Variants in TBC1D14 observed in about 807,000 individuals in gnomAD.
TBC1D14 encodes the protein TBC1 domain family, member 14.
A neutral mutation model predicts 79.0 loss-of-function variants in TBC1D14; 26 were observed. That is an observed-to-expected ratio of 0.33 (90% CI 0.24 to 0.46). The LOEUF (loss-of-function observed/expected upper bound fraction) is 0.46. TBC1D14 is among the 20% of genes least tolerant of loss of function. The pLI is 1.00. For synonymous variants in TBC1D14, 394 were observed against 349.9 expected (o/e 1.13, Z -1.40); for missense variants, 769 against 887.6 (o/e 0.87, Z 1.70).
chr4:6,955,904 C>T (rs552570177), intron 2 of TBC1D14, among the ~76,000 whole-genome samples: 1 of 152,066 alleles, frequency 6.6e-6, no homozygotes, highest in African/African-American at 2.4e-5. Context: ...TTTAGGTGGA[C>T]GAGTCTGGGC....
chr4:7,001,075 G>T, intron 6 of TBC1D14, 70 bp from the exon 7 acceptor site: 1 of 1,365,414 alleles, frequency 7.3e-7, no homozygotes, highest in South Asian at 1.2e-5. Flanking sequence ...GTGGTTCGGG[G>T]CTAGGCACGC....
chr4:6,973,725 CAG>C (rs575871811), intron 3 of TBC1D14, among the ~76,000 whole-genome samples: 44 of 152,234 alleles, frequency 2.9e-4, no homozygotes, highest in Non-Finnish European at 5.1e-4. Flanking sequence ...TTAATGTGGA[CAG>C]AGAGCACCAG....
chr4:7,027,661 C>T (rs1192476785), intron 13 of TBC1D14, among the ~76,000 whole-genome samples: 1 of 96,108 alleles, frequency 1.0e-5, no homozygotes, highest in African/African-American at 3.7e-5. Context: ...CCCCCACAAT[C>T]ACCCCACACA....
At chr4:7,005,192 G>C (rs1720057308) in intron 8 of TBC1D14, among the ~76,000 whole-genome samples, 1 of 152,168 alleles carries the variant, frequency 6.6e-6, no homozygotes, top group Non-Finnish European at 1.5e-5. Flanking sequence ...CTGAGGTCAG[G>C]AGTTTGAGAC....
intron 13 of TBC1D14, among the ~76,000 whole-genome samples, chr4:7,030,002 C>A (rs1346068218): frequency 6.6e-6 from 1 of 152,090 alleles, no homozygotes; most frequent in Non-Finnish European, 1.5e-5. Context: ...GGGCACAGGG[C>A]TTATTAGCAT....
At chr4:7,010,582 G>T in intron 10 of TBC1D14, 71 bp from the exon 11 acceptor site, 15 of 1,545,566 alleles carry the variant, frequency 9.7e-6, no homozygotes, top group Non-Finnish European at 1.3e-5. Context: ...GTTTGTCTTT[G>T]CTAAAAATGA....
rs1400453985 is a variant in TBC1D14 at position 7,009,866 on chromosome 4, G to T, written c.1447-11G>T. 8 of 1,614,152 alleles carry T rather than the reference G, an allele frequency of 5.0e-6. No individual in the cohort carries two copies. Among genetic ancestry groups the T allele is most frequent in the Non-Finnish European group, 6.8e-6 (8 of 1,180,020 alleles). ...ATGCATGTGTTGTTTTTGCTGTGTT[G>T]ATCCTTTTAGGGTGGTCCATATCAT... On this transcript the variant is annotated splice_polypyrimidine_tract_variant and intron_variant, in intron 9 of 13. Coordinates refer to ENST00000409757, the MANE Select transcript of TBC1D14 (RefSeq NM_020773.3).
intron 9 of TBC1D14, chr4:7,007,727 G>C: frequency 1.5e-6 from 1 of 670,858 alleles, no homozygotes; most frequent in Non-Finnish European, 2.2e-6. Context: ...GCAGATTTCA[G>C]CTTCTCTGCC....
intron 3 of TBC1D14, among the ~76,000 whole-genome samples, chr4:6,991,384 C>T (rs1169935584): frequency 2.0e-5 from 3 of 152,152 alleles, no homozygotes; most frequent in Non-Finnish European, 4.4e-5. Context: ...CCAGCTTCCC[C>T]ACTTGCCCGC....
intron 3 of TBC1D14, among the ~76,000 whole-genome samples, chr4:6,986,407 C>G (rs1428473346): frequency 6.6e-6 from 1 of 152,216 alleles, no homozygotes; most frequent in East Asian, 1.9e-4. Flanking sequence ...TACACTCCTA[C>G]CAAGGATTTA....
rs766359522 is a variant in TBC1D14 at position 7,032,804 on chromosome 4, ACT to A, written c.*2416_*2417del. 3 of 151,748 alleles carry A rather than the reference ACT, an allele frequency of 2.0e-5. No individual in the cohort carries two copies. Among genetic ancestry groups the A allele is most frequent in the African/African-American group, 4.8e-5 (2 of 41,296 alleles). The allele number at this position is 151,748 out of a possible 1,614,324, so 9.4% of individuals were successfully genotyped here. On this transcript the variant is annotated 3_prime_UTR_variant, in exon 14 of 14. Coordinates refer to ENST00000409757, the MANE Select transcript of TBC1D14 (RefSeq NM_020773.3). ...GCACACTCCACTTCACATGCCGTTG[ACT>A]CTCACAGTCTAAGACTTCAGGGCCG...
chr4:6,987,001 C>A (rs986594792), intron 3 of TBC1D14, among the ~76,000 whole-genome samples: 1 of 152,252 alleles, frequency 6.6e-6, no homozygotes, highest in East Asian at 1.9e-4. Context: ...ATCTTTAAGG[C>A]AGAAGCTGGC....
At chr4:7,026,533 CTG>C (rs888183853) in intron 13 of TBC1D14, among the ~76,000 whole-genome samples, 1 of 152,202 alleles carries the variant, frequency 6.6e-6, no homozygotes, top group African/African-American at 2.4e-5. Context: ...TGTTAAGCCT[CTG>C]TAATATCTAT....
chr4:6,911,765 ATCTC>A (rs1429847676), intron 1 of TBC1D14, among the ~76,000 whole-genome samples: 1 of 152,076 alleles, frequency 6.6e-6, no homozygotes, highest in South Asian at 2.1e-4. Flanking sequence ...GCTTGTTTGA[ATCTC>A]TCTCTCCCGT....
intron 2 of TBC1D14, among the ~76,000 whole-genome samples, chr4:6,931,904 A>G (rs1560254938): frequency 6.6e-6 from 1 of 152,152 alleles, no homozygotes; most frequent in East Asian, 1.9e-4. Flanking sequence ...GCTGATGGTA[A>G]ACACAGTGAG....
At chr4:6,941,093 A>G (rs1199921754) in intron 2 of TBC1D14, among the ~76,000 whole-genome samples, 1 of 148,506 alleles carries the variant, frequency 6.7e-6, no homozygotes, top group Non-Finnish European at 1.5e-5. Flanking sequence ...AGTGCTCGAG[A>G]TGTTTGTTCT....
At chr4:6,994,888 G>A (rs1476661328) in intron 4 of TBC1D14, among the ~76,000 whole-genome samples, 2 of 151,594 alleles carry the variant, frequency 1.3e-5, no homozygotes, top group Admixed American at 6.6e-5. Flanking sequence ...AAAAGAAGCA[G>A]TGTGTCTTCT....
intron 6 of TBC1D14, among the ~76,000 whole-genome samples, chr4:7,000,343 G>A (rs1337266320): frequency 1.3e-5 from 2 of 152,214 alleles, no homozygotes; most frequent in Non-Finnish European, 1.5e-5. Flanking sequence ...CCGTGCTTTT[G>A]TACTTTATCT....
chr4:7,004,975 A>G (rs775938425), intron 8 of TBC1D14, 51 bp downstream of exon 8: 18 of 1,520,904 alleles, frequency 1.2e-5, no homozygotes, highest in Middle Eastern at 3.4e-4. Flanking sequence ...TATGTTTGTC[A>G]TTCTTTATTA....
Sources: gnomAD v4.1 joint callset for allele counts (sites outside exome capture counted in the v4.1 genomes callset) on GRCh38, gnomAD v4.1.1 for gene constraint, MANE v1.5 for transcripts, NCBI Gene and HGNC (gene_info 2026-07-23, HGNC 2026-07-21) for gene names.